The following SAMD5 variants were observed in gnomAD, a reference collection of about 807,000 sequenced individuals.
The protein encoded by SAMD5 is sterile alpha motif domain containing 5, also known as sterile alpha motif domain-containing protein 5.
A neutral mutation model predicts 11.3 loss-of-function variants in SAMD5; 13 were observed. The observed-to-expected ratio is 1.15, with a 90% CI of 0.75 to 1.83. The LOEUF is 1.83. Ranked by LOEUF, SAMD5 falls within the 40% of genes most tolerant of loss-of-function variation. The pLI is 0.00. For synonymous variants in SAMD5, 129 were observed against 111.3 expected (o/e 1.16, Z -1.00); for missense variants, 255 against 239.1 (o/e 1.07, Z -0.44).
intron 1 of SAMD5, among the ~76,000 whole-genome samples, chr6:147,522,753 C>G (rs1788273683): frequency 6.6e-6 from 1 of 152,164 alleles, no homozygotes. Context: ...CTGCCAGTAA[C>G]TTTTTGGAAG....
At chr6:147,901,605 A>G in the SAMD5 span, among the ~76,000 whole-genome samples, 1 of 124,934 alleles carries the variant, frequency 8.0e-6, no homozygotes, top group African/African-American at 3.5e-5. Flanking sequence ...GGGTAGCCAG[A>G]AATCTGCCAG....
chr6:147,737,411 C>T (rs1160487665), exon 2 of SAMD5: 5 of 1,070,412 alleles, frequency 4.7e-6, no homozygotes, highest in Non-Finnish European at 6.3e-6. Flanking sequence ...TACAGGATGA[C>T]TATAAGAAGA....
At chr6:147,891,768 G>A in the SAMD5 span, among the ~76,000 whole-genome samples, 16 of 152,090 alleles carry the variant, frequency 1.1e-4, no homozygotes, top group Admixed American at 3.3e-4. Context: ...GCTTTCCACC[G>A]TGACAGAGTT....
At chr6:147,893,703 T>A in the SAMD5 span, among the ~76,000 whole-genome samples, 2 of 152,146 alleles carry the variant, frequency 1.3e-5, no homozygotes, top group Non-Finnish European at 2.9e-5. Context: ...AGCTTATGAG[T>A]GCATTTCTTT....
At chr6:147,814,726 A>T in the SAMD5 span, among the ~76,000 whole-genome samples, 1 of 152,186 alleles carries the variant, frequency 6.6e-6, no homozygotes. Flanking sequence ...TAAAAACAAT[A>T]ATTTGCATGC....
intron 1 of SAMD5, among the ~76,000 whole-genome samples, chr6:147,527,887 C>T (rs1447363584): frequency 3.9e-5 from 6 of 152,010 alleles, no homozygotes; most frequent in Non-Finnish European, 5.9e-5. Context: ...AGCATAGCAC[C>T]ATCTGCTTCT....
Position 147,565,463 on chromosome 6 carries a change from A to ATT in SAMD5, c.*1007_*1008insTT. 1.1e-6 allele frequency: 1 copy of ATT among 870,170 alleles called. No homozygotes were observed. Among genetic ancestry groups the ATT allele is most frequent in the Non-Finnish European group, 1.3e-6 (1 of 743,072 alleles). 53.9% of individuals were successfully genotyped at this position (870,170 alleles called of 1,614,324 possible). A position where few individuals can be genotyped will look rare whatever the true frequency, so the allele number is the denominator to read the frequency against. ...ATCGTTCTTGTGTTTGGATGCTGGT[A>ATT]GTTTTTTTTTTTTTAGACAGAGTCT... On this transcript the variant is annotated 3_prime_UTR_variant, in exon 2 of 2. Coordinates refer to ENST00000367474, the MANE Select transcript of SAMD5 (RefSeq NM_001030060.3).
At chr6:147,869,053 G>A in the SAMD5 span, among the ~76,000 whole-genome samples, 5 of 152,318 alleles carry the variant, frequency 3.3e-5, no homozygotes, top group Middle Eastern at 3.4e-3. Flanking sequence ...GTAGCAGGAT[G>A]TGACCATTTA....
intron 1 of SAMD5, among the ~76,000 whole-genome samples, chr6:147,707,526 A>G (rs908997070): frequency 6.6e-6 from 1 of 152,156 alleles, no homozygotes; most frequent in Non-Finnish European, 1.5e-5. Context: ...GCCTGATCTA[A>G]ATAGGAAACA....
At chr6:147,882,926 G>A in the SAMD5 span, among the ~76,000 whole-genome samples, 2 of 152,050 alleles carry the variant, frequency 1.3e-5, no homozygotes, top group Non-Finnish European at 2.9e-5. Context: ...CAAAATATAT[G>A]GTTATTTTAC....
rs911649455 is a variant in SAMD5 at position 147,566,223 on chromosome 6, G to A, written c.*1767G>A. The A allele has an allele frequency of 6.6e-5, 64 of 976,072 alleles. No individual in the cohort carries two copies. Among genetic ancestry groups the A allele is most frequent in the East Asian group, 1.1e-4 (1 of 8,780 alleles). 60.5% of individuals were successfully genotyped at this position (976,072 alleles called of 1,614,324 possible). A position where few individuals can be genotyped will look rare whatever the true frequency, so the allele number is the denominator to read the frequency against. On this transcript the variant is annotated 3_prime_UTR_variant, in exon 2 of 2. Transcript: ENST00000367474. ...AGTTAAATTTTAAAAGCATGTATAG[G>A]TTGTCCTTAAATTATACAAAAGCTT... is the stretch of plus-strand genomic sequence containing the variant.
intron 1 of SAMD5, among the ~76,000 whole-genome samples, chr6:147,641,244 T>C (rs565845077): frequency 2.6e-4 from 40 of 152,272 alleles, no homozygotes; most frequent in African/African-American, 9.1e-4. Context: ...ATTGGAAGAT[T>C]TCCTCCAAGA....
chr6:147,701,424 A>G (rs1791251353), intron 1 of SAMD5, among the ~76,000 whole-genome samples: 1 of 152,222 alleles, frequency 6.6e-6, no homozygotes, highest in Non-Finnish European at 1.5e-5. Context: ...ACCTGTGGCC[A>G]GGAGTTGGAG....
In SAMD5 at chr6:147,509,280, C is replaced by T. The variant is rs151171858; in HGVS notation, c.352C>T (p.Arg118Cys). ...CTCTCGCGGCCACACGACCGCCCCCCGCAGCAGGGAGCTGGTGAGCTACCC... is the reference window on the plus strand; with the variant it reads ...CTCTCGCGGCCACACGACCGCCCCCTGCAGCAGGGAGCTGGTGAGCTACCC... ...GDSRGHTTAP[R>C]SRELVSYPKL... The change falls in exon 1 of 2, where the codon CGC (arginine) becomes TGC (cysteine). Residue 118 changes from arginine (R) to cysteine (C), a missense_variant. By Grantham distance (180) the Arg-to-Cys change is radical (BLOSUM62 -3). Transcript: ENST00000367474. 124 of 1,563,420 alleles carry T rather than the reference C, an allele frequency of 7.9e-5. No homozygotes were observed. The African/African-American group carries it at 1.5e-3, about 18-fold the overall frequency.
the SAMD5 span, among the ~76,000 whole-genome samples, chr6:147,789,504 T>A: frequency 2.0e-5 from 3 of 152,174 alleles, no homozygotes; most frequent in African/African-American, 7.2e-5. Context: ...ATTTTTAGAT[T>A]TATTGAAAAG....
the SAMD5 span, among the ~76,000 whole-genome samples, chr6:147,759,566 C>G: frequency 6.7e-6 from 1 of 150,232 alleles, no homozygotes; most frequent in Non-Finnish European, 1.5e-5. Flanking sequence ...ATATGTATAA[C>G]TTATACATAT....
At chr6:147,903,340 T>C in the SAMD5 span, among the ~76,000 whole-genome samples, 2 of 152,184 alleles carry the variant, frequency 1.3e-5, no homozygotes, top group African/African-American at 4.8e-5. Context: ...ATGGTAAAGA[T>C]AGAACAAAAT....
At chr6:147,854,513 T>C in the SAMD5 span, among the ~76,000 whole-genome samples, 1 of 152,164 alleles carries the variant, frequency 6.6e-6, no homozygotes, top group Admixed American at 6.5e-5. Context: ...AGGTGAGAGA[T>C]GATGACAGAT....
intron 1 of SAMD5, among the ~76,000 whole-genome samples, chr6:147,640,082 C>G (rs957242093): frequency 1.3e-5 from 2 of 152,012 alleles, no homozygotes; most frequent in Non-Finnish European, 1.5e-5. Flanking sequence ...AAATCCAGCA[C>G]TTTGGGAGGC....
Sources: allele counts gnomAD v4.1 joint callset (sites outside exome capture counted in the v4.1 genomes callset), GRCh38; gene constraint gnomAD v4.1.1; transcripts MANE v1.5; gene names NCBI Gene and HGNC (gene_info 2026-07-23, HGNC 2026-07-21).